ZDHHC20: variants seen among roughly 807,000 people sequenced by gnomAD.
The protein encoded by ZDHHC20 is palmitoyltransferase ZDHHC20.
In ZDHHC20, 43 loss-of-function variants were observed where a neutral mutation model predicts 57.8. The observed-to-expected ratio is 0.74, with a 90% CI of 0.58 to 0.96. The LOEUF (loss-of-function observed/expected upper bound fraction) is 0.96, where lower values mean the gene tolerates loss of function less well. Ranked by LOEUF, ZDHHC20 falls within the 40% of genes least tolerant of loss-of-function variation. The probability of loss-of-function intolerance (pLI) is 0.00; values close to 1 mark genes in which losing one functional copy is unlikely to be tolerated. For synonymous variants in ZDHHC20, 157 were observed against 153.0 expected, an observed-to-expected ratio of 1.03 and a Z score of -0.19; for missense variants, 391 against 441.1, an observed-to-expected ratio of 0.89 and a Z score of 1.02.
intron 3 of ZDHHC20, among the ~76,000 whole-genome samples, chr13:21,419,532 T>G (rs977409318): frequency 2.0e-5 from 3 of 152,202 alleles, no homozygotes; most frequent in African/African-American, 7.2e-5. Flanking sequence ...ATAATGAGAA[T>G]GAATGATCTG....
chr13:21,429,361 G>A (rs1416780704), intron 1 of ZDHHC20, among the ~76,000 whole-genome samples: 1 of 152,180 alleles, frequency 6.6e-6, no homozygotes, highest in Non-Finnish European at 1.5e-5. Context: ...TTTCAACCTT[G>A]ATGGGCCAGT....
intron 1 of ZDHHC20, among the ~76,000 whole-genome samples, chr13:21,454,577 A>G (rs1458320791): frequency 6.6e-6 from 1 of 152,032 alleles, no homozygotes; most frequent in African/African-American, 2.4e-5. Flanking sequence ...TAATCTAGAA[A>G]AAGAGCATAT....
At chr13:21,404,787 A>T (rs1177073756) in intron 4 of ZDHHC20, among the ~76,000 whole-genome samples, 1 of 151,886 alleles carries the variant, frequency 6.6e-6, no homozygotes, top group East Asian at 1.9e-4. Context: ...TGCAGAATAG[A>T]GTTCCCATCT....
chr13:21,411,741 C>G (rs1028989176), intron 4 of ZDHHC20, among the ~76,000 whole-genome samples: 2 of 152,116 alleles, frequency 1.3e-5, no homozygotes, highest in African/African-American at 4.8e-5. Context: ...AGAAGAATGA[C>G]GGTGCCAAGG....
chr13:21,399,394 A>C (rs1323137273), intron 7 of ZDHHC20, among the ~76,000 whole-genome samples: 1 of 151,838 alleles, frequency 6.6e-6, no homozygotes, highest in Non-Finnish European at 1.5e-5. Context: ...AATATAAAAT[A>C]ATTTCTAAAT....
intron 3 of ZDHHC20, among the ~76,000 whole-genome samples, chr13:21,415,931 G>A (rs1879900361): frequency 6.6e-6 from 1 of 151,988 alleles, no homozygotes; most frequent in East Asian, 1.9e-4. Flanking sequence ...GGCTGGGTGT[G>A]GTGGCTCACA....
At chr13:21,416,953 G>C (rs1195254161) in intron 3 of ZDHHC20, among the ~76,000 whole-genome samples, 3 of 152,190 alleles carry the variant, frequency 2.0e-5, no homozygotes, top group Non-Finnish European at 4.4e-5. Context: ...TAGGATTATA[G>C]TCAGGGAAGG....
intron 1 of ZDHHC20, among the ~76,000 whole-genome samples, chr13:21,454,714 G>C (rs138910874): frequency 6.6e-6 from 1 of 152,270 alleles, no homozygotes; most frequent in Non-Finnish European, 1.5e-5. Flanking sequence ...AGAATCAACA[G>C]TGTCAAGCTA....
At chr13:21,410,712 C>A (rs866143326) in intron 4 of ZDHHC20, among the ~76,000 whole-genome samples, 5 of 152,182 alleles carry the variant, frequency 3.3e-5, no homozygotes, top group Non-Finnish European at 7.3e-5. Context: ...CCCCTCCCCC[C>A]ACCAAGCTCC....
At chr13:21,403,977 C>A (rs776577756) in intron 4 of ZDHHC20, among the ~76,000 whole-genome samples, 1 of 152,044 alleles carries the variant, frequency 6.6e-6, no homozygotes, top group Non-Finnish European at 1.5e-5. Flanking sequence ...CGTGAGCCAC[C>A]GTGGCTGGCG....
Position 21,437,240 on chromosome 13 carries a change from T to G in ZDHHC20, c.119-11562A>C, listed in dbSNP as rs75413909. On this transcript the variant is annotated intron_variant, in intron 1 of 12. Transcript: ENST00000400590. ...ATGAGGTTTAAGGAAATAAGCCATCTCCATAACACAAAAGTACAGGACGAA... is the reference window on the plus strand; with the variant it reads ...ATGAGGTTTAAGGAAATAAGCCATCGCCATAACACAAAAGTACAGGACGAA... Among the ~76,000 whole-genome samples, 83 of 152,324 alleles carry G rather than the reference T, an allele frequency of 5.4e-4. 5 individuals carry two copies. In the East Asian group the frequency reaches 0.016, roughly 29 times the overall value.
At chr13:21,405,571 A>G (rs1208709859) in intron 4 of ZDHHC20, among the ~76,000 whole-genome samples, 2 of 152,194 alleles carry the variant, frequency 1.3e-5, no homozygotes, top group Non-Finnish European at 1.5e-5. Flanking sequence ...ATGAGTTCTC[A>G]GGGTGCTTTT....
In ZDHHC20 at chr13:21,410,456, TAC is replaced by T. The variant is rs573600158; in HGVS notation, c.370+3194_370+3195del. On this transcript the variant is annotated intron_variant, in intron 4 of 12. Transcript: ENST00000400590. Reference sequence around the variant, plus strand: ...CGTTTAAGTCTGCTGAAGCTGTGCCTACAGCTGCCTCTTCCCCCAGGTGCTGT... The same window carrying T: ...CGTTTAAGTCTGCTGAAGCTGTGCCTAGCTGCCTCTTCCCCCAGGTGCTGT... 2.1e-3 allele frequency among the ~76,000 whole-genome samples: 327 copies of T among 152,346 alleles called. 2 individuals are homozygous for T. The highest frequency in any genetic ancestry group is 2.9e-3 in the Admixed American group (44 of 15,298).
chr13:21,428,739 A>G (rs1225911187), intron 1 of ZDHHC20, among the ~76,000 whole-genome samples: 1 of 151,842 alleles, frequency 6.6e-6, no homozygotes, highest in African/African-American at 2.4e-5. Context: ...GTGCGCCTGT[A>G]GTCCCAGCTA....
At position 21,379,825 on chromosome 13, in the gene ZDHHC20, C is replaced by CTTTTTTTTTTTTT. The variant is rs56681468; in HGVS notation, c.1061-1088_1061-1087insAAAAAAAAAAAAA. Among the ~76,000 whole-genome samples, 4 of 137,730 alleles carry CTTTTTTTTTTTTT rather than the reference C, an allele frequency of 2.9e-5. 1 individual carries two copies. Among genetic ancestry groups the CTTTTTTTTTTTTT allele is most frequent in the Non-Finnish European group, 4.6e-5 (3 of 65,372 alleles). 90.4% of individuals were successfully genotyped at this position (137,730 alleles called of 152,430 possible). On this transcript the variant is annotated intron_variant, in intron 11 of 12. Transcript: ENST00000400590. ...CAGTGTGCTCTTTTTTTTCTTTTTT[C>CTTTTTTTTTTTTT]TTTTTTTTTGAGATGGAATCTCGCT... is the stretch of plus-strand genomic sequence containing the variant.
chr13:21,387,238 T>C (rs1751583465), intron 9 of ZDHHC20, among the ~76,000 whole-genome samples: 1 of 152,172 alleles, frequency 6.6e-6, no homozygotes, highest in Non-Finnish European at 1.5e-5. Flanking sequence ...AAACAAGTTA[T>C]TTGCATTTTG....
At chr13:21,416,664 T>G (rs1464502739) in intron 3 of ZDHHC20, among the ~76,000 whole-genome samples, 1 of 152,202 alleles carries the variant, frequency 6.6e-6, no homozygotes, top group Non-Finnish European at 1.5e-5. Context: ...GAGATATCAA[T>G]GAAAGTTTCT....
chr13:21,433,486 G>A (rs866699184), intron 1 of ZDHHC20, among the ~76,000 whole-genome samples: 3 of 151,964 alleles, frequency 2.0e-5, no homozygotes, highest in African/African-American at 4.8e-5. Flanking sequence ...GCGTGGTGGC[G>A]GGTGCCTGTA....
In ZDHHC20 at chr13:21,376,630, T is replaced by C; in HGVS notation, c.*66A>G. On this transcript the variant is annotated 3_prime_UTR_variant, in exon 13 of 13. Transcript: ENST00000400590. ...TTTTCTTGCAAATGAAAATTGAAAA[T>C]ACCAGTCTATAATGTTTTCATACAC... 4 of 1,389,302 alleles carry C rather than the reference T, an allele frequency of 2.9e-6. No homozygotes were observed. The highest frequency in any genetic ancestry group is 3.9e-6 in the Non-Finnish European group (4 of 1,033,670). The allele number at this position is 1,389,302 out of a possible 1,614,324, so 86.1% of individuals were successfully genotyped here.
Sources: allele counts gnomAD v4.1 joint callset (sites outside exome capture counted in the v4.1 genomes callset), GRCh38; gene constraint gnomAD v4.1.1; transcripts MANE v1.5; gene names NCBI Gene and HGNC (gene_info 2026-07-23, HGNC 2026-07-21).